The following FGF12 variants were observed in gnomAD, a reference collection of about 807,000 sequenced individuals.
FGF12 encodes fibroblast growth factor 12.
FGF12 carries 14 observed loss-of-function variants against 23.6 expected under a neutral mutation model. The ratio of observed to expected loss-of-function variants is 0.59; its 90% CI spans 0.39 to 0.93. FGF12 has a LOEUF of 0.93. FGF12 is among the 40% of genes least tolerant of loss of function. The pLI is 0.00. For missense variants in FGF12, 175 were observed against 217.8 expected (o/e 0.80, Z 1.24); for synonymous variants, 62 against 77.3 (o/e 0.80, Z 1.04).
intron 4 of FGF12, among the ~76,000 whole-genome samples, chr3:192,252,366 G>A (rs567011079): frequency 6.7e-6 from 1 of 148,150 alleles, no homozygotes; most frequent in East Asian, 2.2e-4. Context: ...GGGAGGTTGA[G>A]GCTGGAGGAT....
rs945990622 is a variant in FGF12, at chr3:192,360,181, T to C, written c.124+247A>G. Among the ~76,000 whole-genome samples, 1 of 152,178 alleles carries C rather than the reference T, an allele frequency of 6.6e-6. No homozygotes were observed. The highest frequency in any genetic ancestry group is 2.4e-5 in the African/African-American group (1 of 41,456). On this transcript the variant is annotated intron_variant, in intron 3 of 5. Coordinates refer to ENST00000445105, the MANE Select transcript of FGF12 (RefSeq NM_004113.6). The surrounding 1 kb of genome is among the most constrained non-coding windows in gnomAD (Gnocchi z 4.3). ...GCCTAAAAACACTGTGATGGGAGTA[T>C]ATTCTTGCCCATTGACCAAATGGAC...
At chr3:192,302,277 C>A (rs1715391873) in intron 4 of FGF12, among the ~76,000 whole-genome samples, 2 of 152,218 alleles carry the variant, frequency 1.3e-5, no homozygotes, top group South Asian at 4.1e-4. Context: ...CCAGGTTAAA[C>A]AGACTCTGCT....
chr3:192,573,347 T>C (rs1205068912), intron 2 of FGF12, among the ~76,000 whole-genome samples: 1 of 152,218 alleles, frequency 6.6e-6, no homozygotes, highest in East Asian at 1.9e-4. Flanking sequence ...ATTCTAAGTA[T>C]TCCTGCAACG....
intron 2 of FGF12, among the ~76,000 whole-genome samples, chr3:192,432,639 A>AAAAGAAAG (rs1007768982): frequency 8.0e-4 from 110 of 137,130 alleles, no homozygotes; most frequent in Non-Finnish European, 1.2e-3. Flanking sequence ...AAAAAAAAAA[A>AAAAGAAAG]AAAGAAAGAA....
intron 4 of FGF12, among the ~76,000 whole-genome samples, chr3:192,273,651 C>A (rs959266506): frequency 6.6e-6 from 1 of 152,128 alleles, no homozygotes; most frequent in Non-Finnish European, 1.5e-5. Flanking sequence ...GCATGGTACA[C>A]CCTCAGTAAA....
Position 192,281,024 on chromosome 3 carries a change from T to C in FGF12, c.228+54337A>G, listed in dbSNP as rs149150152. On this transcript the variant is annotated intron_variant, in intron 4 of 5. Coordinates refer to ENST00000445105, the MANE Select transcript of FGF12 (RefSeq NM_004113.6). ...TGAATGATGGGGCCTCAGAAATTTG[T>C]GGTGCAGTTTTCCTTACACTTTCTG... is the stretch of plus-strand genomic sequence containing the variant. Among the ~76,000 whole-genome samples the C allele has an allele frequency of 4.2e-3, 643 of 152,290 alleles. 3 individuals carry two copies. Among genetic ancestry groups the C allele is most frequent in the African/African-American group, 0.015 (611 of 41,570 alleles).
chr3:192,697,521 C>G (rs1364205061), intron 2 of FGF12, among the ~76,000 whole-genome samples: 1 of 152,152 alleles, frequency 6.6e-6, no homozygotes, highest in Non-Finnish European at 1.5e-5. Flanking sequence ...TTATTTCAAC[C>G]TGGCAGAAGG....
Position 192,408,078 on chromosome 3 carries a change from A to T in FGF12, c.14-47540T>A. ...GCCGCTGCAGAAGCGCACTTTGCTG[A>T]ACACCCCGAGGACGTGCCTCTCGCA... On this transcript the variant is annotated intron_variant, in intron 2 of 5. Coordinates refer to ENST00000445105, the MANE Select transcript of FGF12 (RefSeq NM_004113.6). The surrounding 1 kb of genome is among the most constrained non-coding windows in gnomAD (Gnocchi z 7.3). The T allele has an allele frequency of 6.2e-7, 1 of 1,613,108 alleles. No homozygotes were observed.
chr3:192,401,084 CAAT>C (rs1200237116), intron 2 of FGF12, among the ~76,000 whole-genome samples: 2 of 152,070 alleles, frequency 1.3e-5, no homozygotes, highest in Non-Finnish European at 2.9e-5. Flanking sequence ...TTTATTAAAA[CAAT>C]AATAAGCCCC....
intron 2 of FGF12, among the ~76,000 whole-genome samples, chr3:192,649,223 CT>C (rs1209197970): frequency 2.6e-5 from 4 of 152,114 alleles, no homozygotes; most frequent in Admixed American, 1.3e-4. Context: ...TCACCTATCC[CT>C]TATCCAACAG....
chr3:192,271,942 G>T (rs942633217), intron 4 of FGF12, among the ~76,000 whole-genome samples: 1 of 152,100 alleles, frequency 6.6e-6, no homozygotes, highest in Non-Finnish European at 1.5e-5. Flanking sequence ...CTTCAAAGCT[G>T]ATCTCCTAAT....
chr3:192,473,101 A>C (rs1228336318), intron 2 of FGF12, among the ~76,000 whole-genome samples: 1 of 152,152 alleles, frequency 6.6e-6, no homozygotes, highest in Non-Finnish European at 1.5e-5. Flanking sequence ...AGAGCCTATG[A>C]GTTTACTCAT....
At chr3:192,562,476 T>C (rs1475490482) in intron 2 of FGF12, among the ~76,000 whole-genome samples, 1 of 152,178 alleles carries the variant, frequency 6.6e-6, no homozygotes, top group Non-Finnish European at 1.5e-5. Context: ...TGAAGGGATT[T>C]CTTCAGTAAA....
chr3:192,500,294 C>T (rs932234598), intron 2 of FGF12, among the ~76,000 whole-genome samples: 1 of 152,172 alleles, frequency 6.6e-6, no homozygotes, highest in Non-Finnish European at 1.5e-5. Flanking sequence ...AGTTCCAGCT[C>T]AACCAAGAAC....
chr3:192,328,444 T>C (rs144283546), intron 4 of FGF12, among the ~76,000 whole-genome samples: 13 of 152,316 alleles, frequency 8.5e-5, no homozygotes, highest in African/African-American at 2.2e-4. Context: ...TTCATGTGTA[T>C]TATCACATGT....
At chr3:192,651,063 T>G (rs1223537421) in intron 2 of FGF12, among the ~76,000 whole-genome samples, 1 of 152,238 alleles carries the variant, frequency 6.6e-6, no homozygotes, top group Non-Finnish European at 1.5e-5. Flanking sequence ...ATCTATGTCC[T>G]TTGTATTCGT....
chr3:192,638,110 G>A (rs1051848186), intron 2 of FGF12, among the ~76,000 whole-genome samples: 1 of 152,134 alleles, frequency 6.6e-6, no homozygotes, highest in African/African-American at 2.4e-5. Flanking sequence ...GTGTTTGTGT[G>A]TGTCTATATA....
intron 2 of FGF12, among the ~76,000 whole-genome samples, chr3:192,685,198 C>T (rs1577120306): frequency 6.6e-6 from 1 of 152,016 alleles, no homozygotes; most frequent in East Asian, 1.9e-4. Flanking sequence ...TTACAGGGGC[C>T]CGCCACCACG....
chr3:192,479,890 T>C (rs558407395), intron 2 of FGF12, among the ~76,000 whole-genome samples: 1 of 152,152 alleles, frequency 6.6e-6, no homozygotes, highest in East Asian at 1.9e-4. Flanking sequence ...ATAGAGCATA[T>C]ACAATCAGGA....
Sources: gnomAD v4.1 joint callset for allele counts (sites outside exome capture counted in the v4.1 genomes callset) on GRCh38, gnomAD v4.1.1 for gene constraint, Gnocchi (gnomAD v3.1) non-coding constraint, MANE v1.5 for transcripts, NCBI Gene and HGNC (gene_info 2026-07-23, HGNC 2026-07-21) for gene names.